ZNF385D: variants seen among roughly 807,000 people sequenced by gnomAD.
The protein encoded by ZNF385D is zinc finger protein 385D.
A neutral mutation model predicts 35.8 loss-of-function variants in ZNF385D; 15 were observed. The observed-to-expected ratio is 0.42, with a 90% CI of 0.28 to 0.64. ZNF385D has a LOEUF of 0.64. Among genes scored for constraint, ZNF385D ranks in the 30% least tolerant of loss-of-function variants. ZNF385D has a pLI of 0.23. For missense variants in ZNF385D, 474 were observed against 494.6 expected (o/e 0.96, Z 0.39); for synonymous variants, 212 against 186.8 (o/e 1.13, Z -1.10).
intron 2 of ZNF385D, among the ~76,000 whole-genome samples, chr3:22,337,269 C>T (rs111589431): frequency 7.9e-5 from 12 of 152,092 alleles, no homozygotes; most frequent in African/African-American, 2.7e-4. Flanking sequence ...TGGCATCTCA[C>T]GTCTGTAATC....
At chr3:21,954,973 A>C (rs1480280213) in intron 3 of ZNF385D, among the ~76,000 whole-genome samples, 1 of 152,130 alleles carries the variant, frequency 6.6e-6, no homozygotes, top group South Asian at 2.1e-4. Flanking sequence ...AAACACTTAG[A>C]AATCTGGTGA....
At chr3:21,723,905 G>A (rs1279515483) in intron 1 of ZNF385D, among the ~76,000 whole-genome samples, 1 of 152,136 alleles carries the variant, frequency 6.6e-6, no homozygotes, top group Non-Finnish European at 1.5e-5. Flanking sequence ...AGAGAGAAAG[G>A]TCAGGTTACC....
chr3:21,562,589 G>T (rs1444436319), intron 3 of ZNF385D, among the ~76,000 whole-genome samples: 3 of 152,140 alleles, frequency 2.0e-5, no homozygotes, highest in Non-Finnish European at 4.4e-5. Flanking sequence ...GAAATCATAG[G>T]CAGGAGGAGA....
intron 3 of ZNF385D, among the ~76,000 whole-genome samples, chr3:21,809,342 G>A (rs2072800485): frequency 6.6e-6 from 1 of 151,492 alleles, no homozygotes. Flanking sequence ...GACTATTCTT[G>A]CACTCTTGGG....
intron 3 of ZNF385D, among the ~76,000 whole-genome samples, chr3:21,990,857 T>C (rs17584327): frequency 0.15 from 23,090 of 152,200 alleles, 1,982 homozygotes; most frequent in Middle Eastern, 0.23. Context: ...GAAAACAGAA[T>C]GCTACATGTG....
intron 2 of ZNF385D, among the ~76,000 whole-genome samples, chr3:21,601,047 T>G (rs2064272812): frequency 6.6e-6 from 1 of 152,184 alleles, no homozygotes; most frequent in Admixed American, 6.5e-5. Context: ...ATAATACTCC[T>G]AATGAATAAT....
intron 3 of ZNF385D, among the ~76,000 whole-genome samples, chr3:21,993,198 C>A (rs150215530): frequency 1.3e-5 from 2 of 152,164 alleles, no homozygotes; most frequent in African/African-American, 2.4e-5. Flanking sequence ...ACATTCATAT[C>A]TGTCTCTGTC....
intron 2 of ZNF385D, among the ~76,000 whole-genome samples, chr3:22,281,683 AACAC>A (rs1214941677): frequency 2.0e-5 from 3 of 151,744 alleles, no homozygotes. Context: ...GTTCATCAGG[AACAC>A]TGGTGTGTAC....
At chr3:22,331,215 T>C (rs1694920607) in intron 2 of ZNF385D, among the ~76,000 whole-genome samples, 1 of 152,194 alleles carries the variant, frequency 6.6e-6, no homozygotes. Context: ...TATTATTTTT[T>C]TTAGTTTATA....
intron 2 of ZNF385D, among the ~76,000 whole-genome samples, chr3:22,319,295 A>G (rs1029206744): frequency 1.3e-5 from 2 of 152,058 alleles, no homozygotes; most frequent in Non-Finnish European, 1.5e-5. Context: ...CTGAATGGAT[A>G]GTGATGTTTT....
intron 3 of ZNF385D, among the ~76,000 whole-genome samples, chr3:21,950,984 C>T (rs1005949775): frequency 1.8e-4 from 27 of 151,798 alleles, no homozygotes; most frequent in Admixed American, 1.3e-4. Flanking sequence ...TAGCATGATG[C>T]CTCCAGCTTT....
intron 3 of ZNF385D, among the ~76,000 whole-genome samples, chr3:21,756,924 A>G (rs1387532498): frequency 6.6e-6 from 1 of 152,158 alleles, no homozygotes; most frequent in Non-Finnish European, 1.5e-5. Flanking sequence ...ACACTGCTAT[A>G]AACTCCTAAA....
intron 1 of ZNF385D, among the ~76,000 whole-genome samples, chr3:21,740,918 G>A (rs757269385): frequency 1.3e-4 from 20 of 152,178 alleles, no homozygotes; most frequent in Non-Finnish European, 2.4e-4. Flanking sequence ...ATACTGGACC[G>A]GGATAGCGCT....
Position 21,425,702 on chromosome 3 carries a change from G to A in ZNF385D, c.674-32C>T, listed in dbSNP as rs754373020. 5 of 1,473,666 alleles carry A rather than the reference G, an allele frequency of 3.4e-6. No homozygotes were observed. The East Asian group carries it at 1.0e-4, about 29-fold the overall frequency. The allele number at this position is 1,473,666 out of a possible 1,614,324, so 91.3% of individuals were successfully genotyped here. A position where few individuals can be genotyped will look rare whatever the true frequency, so the allele number is the denominator to read the frequency against. On this transcript the variant is annotated intron_variant, in intron 5 of 7. Coordinates refer to ENST00000281523, the MANE Select transcript of ZNF385D (RefSeq NM_024697.3). Reference sequence around the variant, plus strand: ...GGAATATTGAAATGAAGGAAGGAAAGGAGGGAGGAAAGAAGGGAGGGAGAG... The same window carrying A: ...GGAATATTGAAATGAAGGAAGGAAAAGAGGGAGGAAAGAAGGGAGGGAGAG...
chr3:22,147,889 G>A (rs1401351957), intron 3 of ZNF385D, among the ~76,000 whole-genome samples: 1 of 152,106 alleles, frequency 6.6e-6, no homozygotes, highest in Admixed American at 6.6e-5. Flanking sequence ...TGGGAAAATG[G>A]AAACCTGGAA....
At chr3:21,865,555 T>C (rs1350141588) in intron 3 of ZNF385D, among the ~76,000 whole-genome samples, 1 of 152,150 alleles carries the variant, frequency 6.6e-6, no homozygotes, top group Non-Finnish European at 1.5e-5. Flanking sequence ...ATGTGCATTC[T>C]TGAATATTAC....
chr3:21,462,314 A>C (rs906061301), intron 4 of ZNF385D, among the ~76,000 whole-genome samples: 2 of 152,204 alleles, frequency 1.3e-5, no homozygotes, highest in African/African-American at 4.8e-5. Flanking sequence ...TTAGGAACTT[A>C]ATAAGTATGC....
At chr3:22,073,678 T>C (rs1242355170) in intron 3 of ZNF385D, among the ~76,000 whole-genome samples, 1 of 151,828 alleles carries the variant, frequency 6.6e-6, no homozygotes, top group Non-Finnish European at 1.5e-5. Context: ...AGCTATCCTA[T>C]CTTACAAGAT....
chr3:22,298,526 A>G (rs992290136), intron 2 of ZNF385D, among the ~76,000 whole-genome samples: 2 of 145,146 alleles, frequency 1.4e-5, no homozygotes, highest in East Asian at 2.0e-4. Flanking sequence ...TATATATAAT[A>G]TATATACATA....
Sources: allele counts gnomAD v4.1 joint callset (sites outside exome capture counted in the v4.1 genomes callset), GRCh38; gene constraint gnomAD v4.1.1; transcripts MANE v1.5; gene names NCBI Gene and HGNC (gene_info 2026-07-23, HGNC 2026-07-21).